ADAMTS20: variants seen among roughly 807,000 people sequenced by gnomAD.
ADAMTS20 encodes the protein ADAM metallopeptidase with thrombospondin type 1 motif 20.
Under a neutral mutation model 260.1 loss-of-function variants are expected in ADAMTS20, and 225 were observed. The observed-to-expected ratio is 0.87, with a 90% CI of 0.78 to 0.97. ADAMTS20 has a LOEUF of 0.97. ADAMTS20 is among the 50% of genes least tolerant of loss of function. ADAMTS20 has a pLI of 0.00. For synonymous variants in ADAMTS20, 802 were observed against 769.5 expected (o/e 1.04, Z -0.70); for missense variants, 2,400 against 2,337.7 (o/e 1.03, Z -0.55).
chr12:43,499,119 A>T (rs140781962), intron 4 of ADAMTS20, among the ~76,000 whole-genome samples: 109 of 152,266 alleles, frequency 7.2e-4, no homozygotes, highest in African/African-American at 2.3e-3. Context: ...AAGTATCTCA[A>T]AAGGGAGACT....
rs369135962 is a variant in ADAMTS20, at chr12:43,551,002, G to A, written c.360C>T (p.Asp120=). ...AGTGGCGCAGGTCCGAGGGCCCTGC[G>A]TCGCTCTCCCAGGCCCCGCGCTCCG... ...GTPERGAWES[D]AGPSDLRHCF... Residue 120 remains aspartate (D), a synonymous_variant, in exon 2 of 39, where the codon GAC becomes GAT. Coordinates refer to ENST00000389420, the MANE Select transcript of ADAMTS20 (RefSeq NM_025003.5). This position sits in a 1 kb window ranked among gnomAD's most constrained non-coding sequence, Gnocchi z 4.6. 1.9e-6 allele frequency: 3 copies of A among 1,613,224 alleles called. No individual in the cohort carries two copies. The highest frequency in any genetic ancestry group is 2.5e-6 in the Non-Finnish European group (3 of 1,179,516).
At chr12:43,448,749 G>T (rs1941808109) in intron 14 of ADAMTS20, among the ~76,000 whole-genome samples, 1 of 151,896 alleles carries the variant, frequency 6.6e-6, no homozygotes, top group Admixed American at 6.6e-5. Context: ...TCTGACAAAG[G>T]TCTATTATCC....
At position 43,375,465 on chromosome 12, in the gene ADAMTS20, T is replaced by C. The variant is rs755663381; in HGVS notation, c.5360A>G (p.Asp1787Gly). Residue 1787 changes from aspartate (D) to glycine (G), a missense_variant, in exon 36 of 39, where the codon GAC becomes GGC. Physicochemically the swap from Asp to Gly is moderately conservative, Grantham distance 94 (BLOSUM62 -1). Transcript: ENST00000389420. The stretch of plus-strand genomic sequence containing the variant: ...TAAGTGTCCATTGTCACATTCACAG[T>C]CTTCCCTTCTACTCCCATTAAAAGG... ...QCPFNGSRREDCECDNGHLAA... is the reference protein window; with the variant it reads ...QCPFNGSRREGCECDNGHLAA... 1 of 1,613,374 alleles carries C rather than the reference T, an allele frequency of 6.2e-7. No individual in the cohort carries two copies. The highest frequency in any genetic ancestry group is 8.5e-7 in the Non-Finnish European group (1 of 1,179,406).
chr12:43,530,715 C>T (rs1943209251), intron 3 of ADAMTS20, among the ~76,000 whole-genome samples: 1 of 152,024 alleles, frequency 6.6e-6, no homozygotes. Context: ...GCATGTCATT[C>T]TATGAATCAT....
Position 43,434,384 on chromosome 12 carries a change from C to A in ADAMTS20, c.2594-13G>T. The stretch of plus-strand genomic sequence containing the variant: ...CTTCGCTGAAGACCTTGGCCAAAGT[C>A]AAATGAAAATAAAAAATGAAAGAAA... On this transcript the variant is annotated splice_polypyrimidine_tract_variant and intron_variant, in intron 18 of 38. Coordinates refer to ENST00000389420, the MANE Select transcript of ADAMTS20 (RefSeq NM_025003.5). 4 of 1,551,366 alleles carry A rather than the reference C, an allele frequency of 2.6e-6. No individual in the cohort carries two copies. Among genetic ancestry groups the A allele is most frequent in the Admixed American group, 2.1e-5 (1 of 48,580 alleles).
At chr12:43,526,973 A>G (rs1308977941) in intron 3 of ADAMTS20, among the ~76,000 whole-genome samples, 2 of 152,204 alleles carry the variant, frequency 1.3e-5, no homozygotes, top group African/African-American at 2.4e-5. Flanking sequence ...AGAGAGAAGA[A>G]TCAAATAAGC....
intron 29 of ADAMTS20, among the ~76,000 whole-genome samples, chr12:43,387,872 C>T (rs143462731): frequency 1.6e-4 from 25 of 152,214 alleles, no homozygotes; most frequent in African/African-American, 5.8e-4. Flanking sequence ...TGGCTGATGC[C>T]CCTCCCCCCA....
intron 14 of ADAMTS20, among the ~76,000 whole-genome samples, chr12:43,449,780 C>T (rs1263169984): frequency 6.6e-6 from 1 of 152,092 alleles, no homozygotes. Flanking sequence ...TTGTATGTAA[C>T]ATTTTCACAT....
chr12:43,452,665 G>T lies in ADAMTS20; in HGVS notation c.1791C>A (p.Gly597=), dbSNP rs146342240. Residue 597 remains glycine (G), a synonymous_variant, in exon 13 of 39, where the codon GGC becomes GGA. Coordinates refer to ENST00000389420, the MANE Select transcript of ADAMTS20 (RefSeq NM_025003.5). The part of the protein sequence containing the change: ...EPRNGGNYCV[G]RRMKFRSCNT... ...TACATGATCGAAATTTCATCCTGCG[G>T]CCCACACAGTAATTTCCTCCGTTTC... 34 of 1,610,140 alleles carry T rather than the reference G, an allele frequency of 2.1e-5. No individual in the cohort carries two copies. The highest frequency in any genetic ancestry group is 2.8e-5 in the Non-Finnish European group (33 of 1,177,782).
At position 43,485,111 on chromosome 12, in the gene ADAMTS20, AG is replaced by A. The variant is rs569604299; in HGVS notation, c.1117+5283del. Among the ~76,000 whole-genome samples the A allele has an allele frequency of 8.2e-3, 595 of 72,172 alleles. 6 individuals are homozygous for A. The East Asian group carries it at 0.12, about 15-fold the overall frequency. The allele number at this position is 72,172 out of a possible 152,430, so 47.3% of individuals were successfully genotyped here. ...GACGTAGCCAAAAAAAAAAAAAAAA[AG>A]CAACAACAACAACAACAAAACCACT... On this transcript the variant is annotated intron_variant, in intron 7 of 38. Coordinates refer to ENST00000389420, the MANE Select transcript of ADAMTS20 (RefSeq NM_025003.5).
Position 43,432,299 on chromosome 12 carries a change from T to G in ADAMTS20, c.3096+5A>C. 6.2e-7 allele frequency: 1 copy of G among 1,612,462 alleles called. No individual in the cohort carries two copies. Among genetic ancestry groups the G allele is most frequent in the South Asian group, 1.1e-5 (1 of 90,690 alleles). Reference sequence around the variant, plus strand: ...ATAGTTCCAAGCATCATGTGTTTAATGTACCTCGCTCCATTCACTAGCAGC... The same window carrying G: ...ATAGTTCCAAGCATCATGTGTTTAAGGTACCTCGCTCCATTCACTAGCAGC... On this transcript the variant is annotated splice_donor_5th_base_variant and intron_variant, in intron 21 of 38. Transcript: ENST00000389420.
At chr12:43,380,122 C>A (rs1035198677) in intron 31 of ADAMTS20, among the ~76,000 whole-genome samples, 3 of 152,130 alleles carry the variant, frequency 2.0e-5, no homozygotes, top group African/African-American at 4.8e-5. Flanking sequence ...CCCAGGAATG[C>A]AAGATTATTG....
rs183945201 is a variant in ADAMTS20 at position 43,464,879 on chromosome 12, A to C, written c.1368-147T>G. 1,185 of 825,002 alleles carry C rather than the reference A, an allele frequency of 1.4e-3. 11 individuals carry two copies. The highest frequency in any genetic ancestry group is 2.1e-4 in the Non-Finnish European group (119 of 558,534). 51.1% of individuals were successfully genotyped at this position (825,002 alleles called of 1,614,324 possible). A position where few individuals can be genotyped will look rare whatever the true frequency, so the allele number is the denominator to read the frequency against. On this transcript the variant is annotated intron_variant, in intron 9 of 38. Transcript: ENST00000389420. ...TTAAAAACCAACTCACATCAATATC[A>C]GTATAGCAATGTTCGTACACATAAG...
At chr12:43,519,221 T>C (rs1440313361) in intron 3 of ADAMTS20, among the ~76,000 whole-genome samples, 1 of 152,158 alleles carries the variant, frequency 6.6e-6, no homozygotes, top group Non-Finnish European at 1.5e-5. Context: ...CTTAAACTTT[T>C]GGTCTCTAAA....
intron 28 of ADAMTS20, among the ~76,000 whole-genome samples, chr12:43,413,053 C>T (rs888757286): frequency 6.6e-6 from 1 of 152,042 alleles, no homozygotes; most frequent in South Asian, 2.1e-4. Flanking sequence ...TCGTGATCTG[C>T]CCGCCTTGGC....
chr12:43,386,524 G>T (rs1940481482), intron 29 of ADAMTS20, among the ~76,000 whole-genome samples: 1 of 152,122 alleles, frequency 6.6e-6, no homozygotes, highest in South Asian at 2.1e-4. Flanking sequence ...GAATTTGAAT[G>T]TTGGCCTGTC....
At chr12:43,393,626 TC>T (rs1339290069) in intron 29 of ADAMTS20, among the ~76,000 whole-genome samples, 2 of 148,458 alleles carry the variant, frequency 1.3e-5, no homozygotes, top group Non-Finnish European at 3.0e-5. Flanking sequence ...AATAGGGAAG[TC>T]TTCTCTTTTG....
intron 3 of ADAMTS20, among the ~76,000 whole-genome samples, chr12:43,515,868 G>A (rs1942993285): frequency 6.6e-6 from 1 of 152,024 alleles, no homozygotes; most frequent in Admixed American, 6.6e-5. Flanking sequence ...TTTCAAACAG[G>A]TATTTTATTT....
In ADAMTS20 at chr12:43,551,077, G is replaced by A. The variant is rs376746115; in HGVS notation, c.285C>T (p.Ala95=). The change falls in exon 2 of 39, where the codon GCC becomes GCT. Residue 95 remains alanine (A), a synonymous_variant. Transcript: ENST00000389420. This position sits in a 1 kb window ranked among gnomAD's most constrained non-coding sequence, Gnocchi z 4.6. ...AGCCGGCGGCCAGAAAGGATGCATC[G>A]GCGGTCAGGTTCAGCTGGAAGAGCT... ...YGQLFQLNLT[A]DASFLAAGYT... is the part of the protein sequence containing the mutation. 14 of 1,613,864 alleles carry A rather than the reference G, an allele frequency of 8.7e-6. No homozygotes were observed. The highest frequency in any genetic ancestry group is 4.5e-5 in the East Asian group (2 of 44,848).
Sources: gnomAD v4.1 joint callset for allele counts (sites outside exome capture counted in the v4.1 genomes callset) on GRCh38, gnomAD v4.1.1 for gene constraint, Gnocchi (gnomAD v3.1) non-coding constraint, MANE v1.5 for transcripts, NCBI Gene and HGNC (gene_info 2026-07-23, HGNC 2026-07-21) for gene names.